TENM3: variants seen among roughly 807,000 people sequenced by gnomAD.
The protein encoded by TENM3 is teneurin transmembrane protein 3.
TENM3 carries 63 observed loss-of-function variants against 255.1 expected under a neutral mutation model. The observed-to-expected ratio is 0.25, with a 90% CI of 0.20 to 0.30. TENM3 has a LOEUF of 0.30. Among genes scored for constraint, TENM3 ranks in the 10% least tolerant of loss-of-function variants. The pLI, the probability that TENM3 is intolerant of heterozygous loss-of-function variation, is 1.00. For missense variants in TENM3, 2,929 were observed against 3,461.1 expected (o/e 0.85, Z 3.86); for synonymous variants, 1,306 against 1,322.3 (o/e 0.99, Z 0.27).
the TENM3 span, among the ~76,000 whole-genome samples, chr4:181,888,532 A>ATATG: frequency 2.3e-4 from 18 of 78,732 alleles, 1 homozygote; most frequent in African/African-American, 6.9e-4. Context: ...ATATACATAT[A>ATATG]TGTGTATATA....
At chr4:182,652,209 T>C (rs1330735558) in intron 5 of TENM3, among the ~76,000 whole-genome samples, 3 of 152,236 alleles carry the variant, frequency 2.0e-5, no homozygotes, top group South Asian at 2.1e-4. Flanking sequence ...CAAAGTTATA[T>C]GTCTTATAAA....
chr4:182,244,195 C>T (rs956305595), intron 1 of TENM3, among the ~76,000 whole-genome samples: 1 of 151,756 alleles, frequency 6.6e-6, no homozygotes, highest in Non-Finnish European at 1.5e-5. Flanking sequence ...CCTCGTGATC[C>T]GCCCGCCTCG....
chr4:182,481,561 G>A (rs1489057629), intron 3 of TENM3, among the ~76,000 whole-genome samples: 1 of 152,144 alleles, frequency 6.6e-6, no homozygotes, highest in African/African-American at 2.4e-5. Context: ...TTGGGAGGCC[G>A]AAGCAGACGG....
chr4:182,392,500 A>T (rs1768501677), intron 3 of TENM3, among the ~76,000 whole-genome samples: 3 of 152,242 alleles, frequency 2.0e-5, no homozygotes, highest in Non-Finnish European at 4.4e-5. Context: ...CCAATCCATA[A>T]CCAGCATTTT....
At chr4:181,762,681 G>A in the TENM3 span, among the ~76,000 whole-genome samples, 495 of 152,246 alleles carry the variant, frequency 3.3e-3, 3 homozygotes, top group African/African-American at 0.011. Context: ...AACTGGCCAG[G>A]ACATTACTGC....
At chr4:182,209,179 G>C (rs1754804201) in intron 1 of TENM3, among the ~76,000 whole-genome samples, 1 of 151,774 alleles carries the variant, frequency 6.6e-6, no homozygotes, top group African/African-American at 2.4e-5. Flanking sequence ...CGTTGGTCAG[G>C]CTGGTCTCGA....
chr4:182,369,879 A>G (rs963897671), intron 3 of TENM3, among the ~76,000 whole-genome samples: 3 of 152,092 alleles, frequency 2.0e-5, no homozygotes, highest in Non-Finnish European at 4.4e-5. Flanking sequence ...CTCTGTCTCA[A>G]AAAAAGAAAG....
chr4:181,777,433 A>C, the TENM3 span, among the ~76,000 whole-genome samples: 1 of 151,622 alleles, frequency 6.6e-6, no homozygotes, highest in South Asian at 2.1e-4. Flanking sequence ...TTTTTTTTCT[A>C]TTTCTGTGAA....
intron 3 of TENM3, among the ~76,000 whole-genome samples, chr4:182,425,994 C>T (rs1407405720): frequency 1.2e-5 from 1 of 86,112 alleles, no homozygotes; most frequent in African/African-American, 5.2e-5. Flanking sequence ...AGAGACAGAG[C>T]GAGAGTCCAT....
intron 1 of TENM3, among the ~76,000 whole-genome samples, chr4:182,183,986 A>G (rs1052620967): frequency 2.0e-5 from 3 of 152,198 alleles, no homozygotes; most frequent in Non-Finnish European, 4.4e-5. Context: ...ATATGTTTTC[A>G]TCTTGATATA....
the TENM3 span, among the ~76,000 whole-genome samples, chr4:181,863,827 A>G: frequency 6.6e-6 from 1 of 152,192 alleles, no homozygotes; most frequent in Non-Finnish European, 1.5e-5. Flanking sequence ...CCATAGTAAC[A>G]AAATACTTTG....
At chr4:182,693,562 T>C (rs1056961392) in intron 12 of TENM3, among the ~76,000 whole-genome samples, 3 of 152,108 alleles carry the variant, frequency 2.0e-5, no homozygotes, top group African/African-American at 7.2e-5. Flanking sequence ...TGGTGTCGAA[T>C]TCCTGACCTC....
the TENM3 span, among the ~76,000 whole-genome samples, chr4:181,571,536 C>T: frequency 1.2e-4 from 19 of 152,096 alleles, no homozygotes; most frequent in African/African-American, 3.6e-4. Flanking sequence ...CTAGGTCTCT[C>T]CATATTGCCC....
the TENM3 span, among the ~76,000 whole-genome samples, chr4:182,044,896 A>G: frequency 6.6e-6 from 1 of 152,216 alleles, no homozygotes; most frequent in Non-Finnish European, 1.5e-5. Flanking sequence ...CTGATATATC[A>G]CTATCTAGCG....
chr4:181,771,777 G>A, the TENM3 span, among the ~76,000 whole-genome samples: 4 of 152,204 alleles, frequency 2.6e-5, no homozygotes, highest in Non-Finnish European at 5.9e-5. Context: ...TGATGCAGAC[G>A]CTGCCAGTCC....
intron 3 of TENM3, among the ~76,000 whole-genome samples, chr4:182,440,851 T>C (rs979165001): frequency 6.6e-6 from 1 of 150,800 alleles, no homozygotes; most frequent in African/African-American, 2.4e-5. Flanking sequence ...TTATTTCAGG[T>C]TTGGGGATAC....
chr4:181,491,522 T>C, the TENM3 span, among the ~76,000 whole-genome samples: 1 of 152,072 alleles, frequency 6.6e-6, no homozygotes, highest in Admixed American at 6.5e-5. Flanking sequence ...ATTTCTCAAC[T>C]ATATTGTATA....
chr4:181,466,863 A>C, the TENM3 span, among the ~76,000 whole-genome samples: 1 of 151,858 alleles, frequency 6.6e-6, no homozygotes, highest in Non-Finnish European at 1.5e-5. Context: ...AAAATGCTTA[A>C]CATTAACACA....
At chr4:181,948,058 A>G in the TENM3 span, among the ~76,000 whole-genome samples, 1 of 152,234 alleles carries the variant, frequency 6.6e-6, no homozygotes, top group Non-Finnish European at 1.5e-5. Context: ...TTAGTAAAGA[A>G]AAGCGAGCAC....
Sources: allele counts gnomAD v4.1 joint callset (sites outside exome capture counted in the v4.1 genomes callset), GRCh38; gene constraint gnomAD v4.1.1; transcripts MANE v1.5; gene names NCBI Gene and HGNC (gene_info 2026-07-23, HGNC 2026-07-21).